The following ZDHHC4 variants were observed in gnomAD, a reference collection of about 807,000 sequenced individuals.
The protein encoded by ZDHHC4 is zDHHC palmitoyltransferase 4.
Under a neutral mutation model 36.7 loss-of-function variants are expected in ZDHHC4, and 42 were observed. The observed-to-expected ratio is 1.14, with a 90% CI of 0.89 to 1.48. The LOEUF is 1.48. Ranked by LOEUF, ZDHHC4 falls within the 40% of genes most tolerant of loss-of-function variation. ZDHHC4 has a pLI of 0.00. For missense variants in ZDHHC4, 457 were observed against 421.5 expected (o/e 1.08, Z -0.74); for synonymous variants, 189 against 166.6 (o/e 1.13, Z -1.03).
chr7:6,579,169 C>T (rs1438746195), intron 2 of ZDHHC4, among the ~76,000 whole-genome samples: 1 of 150,846 alleles, frequency 6.6e-6, no homozygotes, highest in Non-Finnish European at 1.5e-5. Context: ...TAAACCGCTA[C>T]ACTATGGAAA....
In ZDHHC4 at chr7:6,581,593, T is replaced by C. The variant is rs1160985637; in HGVS notation, c.118-14T>C. 6 of 1,599,884 alleles carry C rather than the reference T, an allele frequency of 3.8e-6. No homozygotes were observed. The South Asian group carries it at 4.4e-5, about 12-fold the overall frequency. ...AGAAATGAAATTGAGTCTTTCTCTT[T>C]CCTTTTGTTTCAGATATTTTCCTGT... On this transcript the variant is annotated splice_polypyrimidine_tract_variant and intron_variant, in intron 3 of 7. Transcript: ENST00000335965.
chr7:6,579,354 C>G (rs1780678812), intron 2 of ZDHHC4, among the ~76,000 whole-genome samples: 2 of 152,252 alleles, frequency 1.3e-5, no homozygotes, highest in East Asian at 3.9e-4. Flanking sequence ...GCATGTGCCA[C>G]CACGCCCGGT....
At chr7:6,584,919 C>T in intron 6 of ZDHHC4, 97 bp from the exon 7 acceptor site, 1 of 1,515,056 alleles carries the variant, frequency 6.6e-7, no homozygotes, top group Non-Finnish European at 8.9e-7. Flanking sequence ...CCTCTGATGA[C>T]ACATCCAGTG....
At position 6,588,612 on chromosome 7, in the gene ZDHHC4, C is replaced by T. The variant is rs777763686; in HGVS notation, c.742-5C>T. The T allele has an allele frequency of 3.7e-6, 6 of 1,613,174 alleles. No individual in the cohort carries two copies. The East Asian group carries it at 1.1e-4, about 30-fold the overall frequency. On this transcript the variant is annotated splice_region_variant and splice_polypyrimidine_tract_variant and intron_variant, in intron 7 of 7. Coordinates refer to ENST00000335965, the MANE Select transcript of ZDHHC4 (RefSeq NM_001134389.2). Reference sequence around the variant, plus strand: ...CCTAAAGCACTACCTTTTCTCTGCTCCTAGTACCTGTTCCTGACTTTTCCA... The same window carrying T: ...CCTAAAGCACTACCTTTTCTCTGCTTCTAGTACCTGTTCCTGACTTTTCCA...
At chr7:6,587,744 G>A (rs1433565552) in intron 7 of ZDHHC4, among the ~76,000 whole-genome samples, 1 of 152,186 alleles carries the variant, frequency 6.6e-6, no homozygotes, top group East Asian at 1.9e-4. Context: ...TCTTGGCCAG[G>A]CACAGTGGCT....
chr7:6,585,939 T>TC (rs745838463), intron 7 of ZDHHC4, among the ~76,000 whole-genome samples: 2 of 151,970 alleles, frequency 1.3e-5, no homozygotes, highest in Non-Finnish European at 2.9e-5. Context: ...TCACCTGAGG[T>TC]CAGGAGTTCA....
intron 7 of ZDHHC4, 33 bp downstream of exon 7, chr7:6,585,293 T>A (rs1317823355): frequency 6.3e-7 from 1 of 1,595,188 alleles, no homozygotes; most frequent in Non-Finnish European, 8.6e-7. Context: ...ACTTCAAGTT[T>A]CAGAATCGCA....
rs150061103 is a variant in ZDHHC4 at position 6,589,261 on chromosome 7, G to A, written c.*351G>A. ...TGCAGGAGGGTCTCATTGACTCAGCGCCTGCGCGTTGTGCCTGGCTGTGCT... is the reference window on the plus strand; with the variant it reads ...TGCAGGAGGGTCTCATTGACTCAGCACCTGCGCGTTGTGCCTGGCTGTGCT... On this transcript the variant is annotated 3_prime_UTR_variant, in exon 8 of 8. Transcript: ENST00000335965. 312 of 257,082 alleles carry A rather than the reference G, an allele frequency of 1.2e-3. 1 individual carries two copies. The highest frequency in any genetic ancestry group is 1.8e-3 in the Non-Finnish European group (240 of 130,048). 15.9% of individuals were successfully genotyped at this position (257,082 alleles called of 1,614,324 possible).
At chr7:6,579,541 G>C (rs570818431) in intron 2 of ZDHHC4, among the ~76,000 whole-genome samples, 1 of 152,250 alleles carries the variant, frequency 6.6e-6, no homozygotes, top group East Asian at 1.9e-4. Context: ...TGTTGACTCT[G>C]GTTCCAGAGG....
intron 2 of ZDHHC4, among the ~76,000 whole-genome samples, chr7:6,579,026 G>T (rs1488930059): frequency 6.6e-6 from 1 of 151,970 alleles, no homozygotes; most frequent in East Asian, 1.9e-4. Flanking sequence ...GTCTCGCTTT[G>T]TTGCCCAGGC....
intron 3 of ZDHHC4, among the ~76,000 whole-genome samples, 198 bp from the exon 4 acceptor site, chr7:6,581,409 G>GA (rs1780845006): frequency 1.3e-5 from 2 of 152,210 alleles, no homozygotes; most frequent in African/African-American, 4.8e-5. Context: ...AATCAGACTA[G>GA]AAATGGAGTT....
At chr7:6,587,583 C>A (rs1781327704) in intron 7 of ZDHHC4, among the ~76,000 whole-genome samples, 1 of 152,192 alleles carries the variant, frequency 6.6e-6, no homozygotes, top group African/African-American at 2.4e-5. Flanking sequence ...ACAGTGTAAT[C>A]CTTACATCTT....
chr7:6,583,392 A>C lies in ZDHHC4; in HGVS notation c.457A>C (p.Thr153Pro). 6.2e-7 allele frequency: 1 copy of C among 1,613,864 alleles called. No individual in the cohort carries two copies. Among genetic ancestry groups the C allele is most frequent in the Non-Finnish European group, 8.5e-7 (1 of 1,179,840 alleles). Reference protein sequence around the residue: ...VMFPKNVRCSTCDLRKPARSK... With the variant: ...VMFPKNVRCSPCDLRKPARSK... ...GTTTCCAAAGAACGTGAGGTGCTCTACTTGTGATTTAAGGAAACCAGCTCG... is the reference window on the plus strand; with the variant it reads ...GTTTCCAAAGAACGTGAGGTGCTCTCCTTGTGATTTAAGGAAACCAGCTCG... Residue 153 changes from threonine (T) to proline (P), a missense_variant, in exon 6 of 8, where the codon ACT becomes CCT. By Grantham distance (38) the Thr-to-Pro change is conservative (BLOSUM62 -1). Coordinates refer to ENST00000335965, the MANE Select transcript of ZDHHC4 (RefSeq NM_001134389.2).
chr7:6,586,361 G>T (rs926619490), intron 7 of ZDHHC4, among the ~76,000 whole-genome samples: 6 of 152,126 alleles, frequency 3.9e-5, no homozygotes, highest in Non-Finnish European at 8.8e-5. Context: ...TTCGGGATAG[G>T]CCTTTTCTGG....
At position 6,589,051 on chromosome 7, in the gene ZDHHC4, G is replaced by A; in HGVS notation, c.*141G>A. The A allele has an allele frequency of 1.9e-6, 2 of 1,051,692 alleles. No homozygotes were observed. Among genetic ancestry groups the A allele is most frequent in the Non-Finnish European group, 2.7e-6 (2 of 730,412 alleles). 65.1% of individuals were successfully genotyped at this position (1,051,692 alleles called of 1,614,324 possible). A position where few individuals can be genotyped will look rare whatever the true frequency, so the allele number is the denominator to read the frequency against. On this transcript the variant is annotated 3_prime_UTR_variant, in exon 8 of 8. Coordinates refer to ENST00000335965, the MANE Select transcript of ZDHHC4 (RefSeq NM_001134389.2). ...TGGGCAAGGGAGAGAGGGGAAAATG[G>A]GTGTTGACTGAGGAATCCCCCTTGC...
intron 2 of ZDHHC4, among the ~76,000 whole-genome samples, chr7:6,580,157 C>CT (rs1048108637): frequency 6.6e-6 from 1 of 151,832 alleles, no homozygotes; most frequent in African/African-American, 2.4e-5. Flanking sequence ...GTTTATCTTT[C>CT]TTTTTTTATT....
At chr7:6,581,468 C>G in intron 3 of ZDHHC4, 139 bp from the exon 4 acceptor site, 1 of 677,226 alleles carries the variant, frequency 1.5e-6, no homozygotes, top group South Asian at 1.7e-5. Context: ...TTATTCTCTG[C>G]TAAATCACTT....
chr7:6,581,523 C>T (rs1485743667), intron 3 of ZDHHC4, 84 bp from the exon 4 acceptor site: 2 of 1,022,958 alleles, frequency 2.0e-6, no homozygotes, highest in East Asian at 2.4e-5. Flanking sequence ...CCCAGATTGC[C>T]AGCTGTATGT....
intron 2 of ZDHHC4, among the ~76,000 whole-genome samples, chr7:6,579,109 C>G (rs1458127229): frequency 6.6e-6 from 1 of 151,914 alleles, no homozygotes; most frequent in Non-Finnish European, 1.5e-5. Context: ...CAGGCACGAG[C>G]CACTACGGCC....
Sources: gnomAD v4.1 joint callset for allele counts (sites outside exome capture counted in the v4.1 genomes callset) on GRCh38, gnomAD v4.1.1 for gene constraint, MANE v1.5 for transcripts, NCBI Gene and HGNC (gene_info 2026-07-23, HGNC 2026-07-21) for gene names.